Variants in DPP6 observed in about 807,000 individuals in gnomAD.
The protein encoded by DPP6 is dipeptidyl peptidase like 6, also known as A-type potassium channel modulatory protein DPP6.
A neutral mutation model predicts 122.6 loss-of-function variants in DPP6; 69 were observed. The ratio of observed to expected loss-of-function variants is 0.56; its 90% confidence interval spans 0.46 to 0.69. The LOEUF is 0.69. Ranked by LOEUF, DPP6 falls within the 30% of genes least tolerant of loss-of-function variation. The pLI, the probability that DPP6 is intolerant of heterozygous loss-of-function variation, is 0.00. For missense variants in DPP6, 928 were observed against 1,116.9 expected (o/e 0.83, Z 2.41); for synonymous variants, 418 against 433.1 (o/e 0.97, Z 0.43).
At chr7:154,573,022 A>G (rs915541730) in intron 5 of DPP6, among the ~76,000 whole-genome samples, 1 of 152,020 alleles carries the variant, frequency 6.6e-6, no homozygotes, top group Admixed American at 6.5e-5. Context: ...AAATATAGCT[A>G]TTGTTATAAT....
intron 1 of DPP6, among the ~76,000 whole-genome samples, chr7:154,293,138 T>C (rs1212980256): frequency 6.6e-6 from 1 of 152,344 alleles, no homozygotes; most frequent in East Asian, 1.9e-4. Context: ...TGAGGTCTAT[T>C]TCCTAATGAC....
chr7:154,738,465 A>C (rs1389101461), intron 8 of DPP6, among the ~76,000 whole-genome samples: 1 of 152,244 alleles, frequency 6.6e-6, no homozygotes. Flanking sequence ...TTCTCCAGCC[A>C]AGAGTTGCAA....
chr7:153,893,404 G>A (rs192039130), intron 1 of DPP6, among the ~76,000 whole-genome samples: 1 of 152,288 alleles, frequency 6.6e-6, no homozygotes, highest in East Asian at 1.9e-4. Context: ...CGTCCCCATG[G>A]ACAAGGGCTT....
chr7:154,817,676 G>T (rs1799504862), intron 16 of DPP6, among the ~76,000 whole-genome samples: 1 of 152,208 alleles, frequency 6.6e-6, no homozygotes, highest in Admixed American at 6.5e-5. Flanking sequence ...TGTCATGAAT[G>T]TCCTGAGTGA....
chr7:154,005,219 C>T (rs550305162), intron 1 of DPP6, among the ~76,000 whole-genome samples: 1 of 152,286 alleles, frequency 6.6e-6, no homozygotes, highest in African/African-American at 2.4e-5. Flanking sequence ...AGTTCCTACC[C>T]CAAGAAAATA....
the DPP6 span, among the ~76,000 whole-genome samples, chr7:153,846,669 G>T: frequency 6.8e-6 from 1 of 147,440 alleles, no homozygotes; most frequent in Non-Finnish European, 1.5e-5. Flanking sequence ...CTGTTCTAGA[G>T]CTCAAGGTGG....
intron 1 of DPP6, among the ~76,000 whole-genome samples, chr7:154,247,706 T>G (rs1453255475): frequency 6.6e-6 from 1 of 152,188 alleles, no homozygotes; most frequent in Non-Finnish European, 1.5e-5. Flanking sequence ...AAGTTTCTTC[T>G]AAAGCCCAGT....
intron 5 of DPP6, among the ~76,000 whole-genome samples, chr7:154,617,754 A>G (rs1834357671): frequency 6.6e-6 from 1 of 152,240 alleles, no homozygotes; most frequent in African/African-American, 2.4e-5. Flanking sequence ...CCAAGAAAAT[A>G]GCAAATCATT....
the DPP6 span, among the ~76,000 whole-genome samples, chr7:153,752,253 CTT>C: frequency 5.5e-3 from 758 of 138,334 alleles, 2 homozygotes; most frequent in African/African-American, 0.014. Flanking sequence ...ACCACAGCCT[CTT>C]TTTTTTTTTT....
chr7:153,991,574 G>A (rs543741134), intron 1 of DPP6, among the ~76,000 whole-genome samples: 1 of 152,308 alleles, frequency 6.6e-6, no homozygotes, highest in South Asian at 2.1e-4. Flanking sequence ...ACACTCATGT[G>A]CATTTGCTTA....
intron 1 of DPP6, among the ~76,000 whole-genome samples, chr7:154,123,200 A>G (rs1316949058): frequency 2.6e-5 from 4 of 152,210 alleles, no homozygotes; most frequent in Admixed American, 6.5e-5. Context: ...TGTTTGACCA[A>G]TATCAATTAA....
chr7:153,992,286 C>T (rs965577584), intron 1 of DPP6, among the ~76,000 whole-genome samples: 14 of 152,330 alleles, frequency 9.2e-5, no homozygotes, highest in Non-Finnish European at 1.8e-4. Flanking sequence ...TGTCCTATCA[C>T]ATTTTATCAA....
At chr7:154,577,989 C>T (rs1831794540) in intron 5 of DPP6, among the ~76,000 whole-genome samples, 1 of 152,180 alleles carries the variant, frequency 6.6e-6, no homozygotes, top group Non-Finnish European at 1.5e-5. Context: ...GTGTTACGAC[C>T]AATTCCATTT....
chr7:154,576,778 A>T (rs1831708521), intron 5 of DPP6, among the ~76,000 whole-genome samples: 1 of 152,180 alleles, frequency 6.6e-6, no homozygotes, highest in Admixed American at 6.5e-5. Context: ...CACGACCTGC[A>T]CGGAGACCCT....
chr7:154,788,503 A>C (rs1382809439), intron 10 of DPP6, among the ~76,000 whole-genome samples: 1 of 152,188 alleles, frequency 6.6e-6, no homozygotes, highest in African/African-American at 2.4e-5. Context: ...TTGTTAAAAA[A>C]ACACATTGAA....
intron 1 of DPP6, among the ~76,000 whole-genome samples, chr7:154,378,836 G>T (rs1056107886): frequency 2.0e-5 from 3 of 152,120 alleles, no homozygotes; most frequent in African/African-American, 7.2e-5. Flanking sequence ...CAACTTCTTC[G>T]CAAGGAGGCA....
chr7:154,316,561 A>G (rs1807446496), intron 1 of DPP6, among the ~76,000 whole-genome samples: 1 of 152,208 alleles, frequency 6.6e-6, no homozygotes, highest in Admixed American at 6.5e-5. Flanking sequence ...GACTTGAACA[A>G]TTGGGTTGAT....
chr7:154,373,746 T>C (rs1812873900), intron 1 of DPP6, among the ~76,000 whole-genome samples: 1 of 152,108 alleles, frequency 6.6e-6, no homozygotes, highest in South Asian at 2.1e-4. Context: ...GGCTTTTCCT[T>C]ATCCCGAACG....
intron 1 of DPP6, among the ~76,000 whole-genome samples, chr7:154,394,492 C>T (rs867713912): frequency 5.3e-5 from 8 of 150,818 alleles, no homozygotes; most frequent in South Asian, 4.2e-4. Flanking sequence ...TTCCTTATTA[C>T]ATATATATAT....
Sources: gnomAD v4.1 joint callset for allele counts (sites outside exome capture counted in the v4.1 genomes callset) on GRCh38, gnomAD v4.1.1 for gene constraint, MANE v1.5 for transcripts, NCBI Gene and HGNC (gene_info 2026-07-23, HGNC 2026-07-21) for gene names.